Variants in GRM5 observed in about 807,000 individuals in gnomAD.
GRM5 encodes metabotropic glutamate receptor 5.
In GRM5, 19 loss-of-function variants were observed where a neutral mutation model predicts 83.1. The ratio of observed to expected loss-of-function variants is 0.23; its 90% confidence interval spans 0.16 to 0.34. The LOEUF is 0.34. GRM5 is among the 10% of genes least tolerant of loss of function. The pLI is 1.00. For synonymous variants in GRM5, 675 were observed against 633.6 expected, an observed-to-expected ratio of 1.07 and a Z score of -0.98; for missense variants, 1,160 against 1,588.3, an observed-to-expected ratio of 0.73 and a Z score of 4.58.
At chr11:88,813,232 G>A (rs1249373593) in intron 3 of GRM5, among the ~76,000 whole-genome samples, 2 of 152,106 alleles carry the variant, frequency 1.3e-5, no homozygotes, top group Non-Finnish European at 2.9e-5. Flanking sequence ...CCAACAAGTT[G>A]CTGACATTTT....
At chr11:88,638,073 C>T (rs976824940) in intron 4 of GRM5, among the ~76,000 whole-genome samples, 1 of 147,500 alleles carries the variant, frequency 6.8e-6, no homozygotes, top group African/African-American at 2.5e-5. Context: ...CCAAACACTG[C>T]GTATTCTCAC....
intron 2 of GRM5, among the ~76,000 whole-genome samples, chr11:89,018,468 A>G (rs1324888272): frequency 6.6e-6 from 1 of 152,202 alleles, no homozygotes; most frequent in Non-Finnish European, 1.5e-5. Context: ...TTACTAATTC[A>G]TTAAAAAATG....
At chr11:88,798,369 C>G (rs1315123781) in intron 3 of GRM5, among the ~76,000 whole-genome samples, 1 of 152,136 alleles carries the variant, frequency 6.6e-6, no homozygotes, top group Non-Finnish European at 1.5e-5. Flanking sequence ...GTGTAAAGCA[C>G]TGTATTTGTT....
At chr11:88,571,811 G>A (rs764017520) in intron 7 of GRM5, among the ~76,000 whole-genome samples, 8 of 152,146 alleles carry the variant, frequency 5.3e-5, no homozygotes, top group Non-Finnish European at 1.2e-4. Context: ...ACTGGTGGTG[G>A]TGTGGGGAGA....
At chr11:88,701,682 T>A (rs1332260868) in intron 3 of GRM5, among the ~76,000 whole-genome samples, 1 of 152,142 alleles carries the variant, frequency 6.6e-6, no homozygotes, top group Non-Finnish European at 1.5e-5. Context: ...ACATGGAGGT[T>A]ACATTGGTTT....
At chr11:88,522,610 T>C (rs1201375550) in intron 9 of GRM5, among the ~76,000 whole-genome samples, 2 of 130,826 alleles carry the variant, frequency 1.5e-5, no homozygotes, top group African/African-American at 8.4e-5. Context: ...TCTCTGTGTG[T>C]GTGTGTGTGT....
intron 2 of GRM5, among the ~76,000 whole-genome samples, chr11:88,967,260 T>C (rs201514898): frequency 2.7e-4 from 8 of 29,334 alleles, no homozygotes; most frequent in African/African-American, 1.4e-3. Flanking sequence ...TATATATATA[T>C]ATATATATAT....
intron 2 of GRM5, among the ~76,000 whole-genome samples, chr11:88,993,916 A>T (rs914108184): frequency 1.3e-5 from 2 of 152,132 alleles, no homozygotes; most frequent in East Asian, 3.9e-4. Flanking sequence ...AGTTACCTCC[A>T]TATGTTGCCC....
chr11:89,064,854 TTCTCTCTCTCTCTCTCTC>T (rs144985912), intron 1 of GRM5, among the ~76,000 whole-genome samples: 38 of 46,100 alleles, frequency 8.2e-4, no homozygotes, highest in African/African-American at 3.1e-3. Flanking sequence ...ATTTTTCATA[TTCTCTCTCTCTCTCTCTC>T]TCTCTCTCTC....
intron 3 of GRM5, among the ~76,000 whole-genome samples, chr11:88,846,182 G>A (rs1590907319): frequency 1.3e-5 from 2 of 152,104 alleles, no homozygotes; most frequent in South Asian, 4.1e-4. Flanking sequence ...TATCTTTTCA[G>A]TTGTTAATTT....
At chr11:88,578,428 T>C (rs1943157196) in intron 7 of GRM5, among the ~76,000 whole-genome samples, 2 of 152,194 alleles carry the variant, frequency 1.3e-5, no homozygotes, top group Non-Finnish European at 2.9e-5. Flanking sequence ...AATCACATTA[T>C]TGTCTTCAGT....
At chr11:89,046,064 C>T in intron 2 of GRM5, among the ~76,000 whole-genome samples, 1 of 152,128 alleles carries the variant, frequency 6.6e-6, no homozygotes. Context: ...AGTATTTGTG[C>T]ATGCCTCATC....
chr11:88,873,241 G>A (rs1196230279), intron 2 of GRM5, among the ~76,000 whole-genome samples: 1 of 151,510 alleles, frequency 6.6e-6, no homozygotes, highest in Non-Finnish European at 1.5e-5. Context: ...GAAAGAGATT[G>A]CACTGCAGTA....
At position 88,845,423 on chromosome 11, in the gene GRM5, C is replaced by CTTTTTTTTTTTTTTT. The variant is rs71046265; in HGVS notation, c.911+4468_911+4482dup. Among the ~76,000 whole-genome samples the CTTTTTTTTTTTTTTT allele has an allele frequency of 3.7e-4, 34 of 92,442 alleles. 6 individuals are homozygous for CTTTTTTTTTTTTTTT. The highest frequency in any genetic ancestry group is 5.4e-4 in the African/African-American group (12 of 22,230). 60.6% of individuals were successfully genotyped at this position (92,442 alleles called of 152,430 possible). On this transcript the variant is annotated intron_variant, in intron 3 of 9. Coordinates refer to ENST00000305447, the MANE Select transcript of GRM5 (RefSeq NM_001143831.3). ...AGGCTACAGTACAGTATAAACATAA[C>CTTTTTTTTTTTTTTT]TTTTTTTTTTTTTTTTTTTTTTTTT...
rs565248380 is a variant in GRM5, at chr11:88,744,823, T to C, written c.912-91420A>G. 2.0e-5 allele frequency among the ~76,000 whole-genome samples: 3 copies of C among 152,242 alleles called. No homozygotes were observed. In the East Asian group the frequency reaches 5.8e-4, roughly 29 times the overall value. On this transcript the variant is annotated intron_variant, in intron 3 of 9. Coordinates refer to ENST00000305447, the MANE Select transcript of GRM5 (RefSeq NM_001143831.3). ...TAAAAAATAATATCCAAGAACCATTTAAAAAGTGAAAACATTTGGCAAACA... is the reference window on the plus strand; with the variant it reads ...TAAAAAATAATATCCAAGAACCATTCAAAAAGTGAAAACATTTGGCAAACA...
At chr11:89,009,762 G>A (rs1339936187) in intron 2 of GRM5, among the ~76,000 whole-genome samples, 17 of 150,944 alleles carry the variant, frequency 1.1e-4, no homozygotes, top group Admixed American at 2.6e-4. Flanking sequence ...TTAGCCGGGC[G>A]TGGTAGCGGG....
intron 8 of GRM5, among the ~76,000 whole-genome samples, chr11:88,542,732 C>T (rs921856062): frequency 1.3e-5 from 2 of 152,278 alleles, no homozygotes; most frequent in Non-Finnish European, 1.5e-5. Context: ...TAAACATTGG[C>T]TGTCATAGAC....
At chr11:89,046,469 A>G (rs1591075325) in intron 2 of GRM5, among the ~76,000 whole-genome samples, 6 of 152,196 alleles carry the variant, frequency 3.9e-5, no homozygotes, top group African/African-American at 9.6e-5. Context: ...CCAAACAGCC[A>G]TGGTCAAGAA....
chr11:88,518,644 A>AT lies in GRM5; in HGVS notation c.2726+6664dup, dbSNP rs544369704. Among the ~76,000 whole-genome samples, 9 of 152,064 alleles carry AT rather than the reference A, an allele frequency of 5.9e-5. No homozygotes were observed. The South Asian group carries it at 1.9e-3, about 32-fold the overall frequency. On this transcript the variant is annotated intron_variant, in intron 9 of 9. Coordinates refer to ENST00000305447, the MANE Select transcript of GRM5 (RefSeq NM_001143831.3). ...TATGAGCATATATGTTGGCTCCATT[A>AT]TTGTTAGCCATACTGTCATCCCTGC...
Sources: allele counts gnomAD v4.1 joint callset (sites outside exome capture counted in the v4.1 genomes callset), GRCh38; gene constraint gnomAD v4.1.1; transcripts MANE v1.5; gene names NCBI Gene and HGNC (gene_info 2026-07-23, HGNC 2026-07-21).